Variants in SNIP1 observed in about 807,000 individuals in gnomAD.
SNIP1 encodes the protein Smad nuclear interacting protein 1.
SNIP1 carries 23 observed loss-of-function variants against 37.4 expected under a neutral mutation model. That is an observed-to-expected ratio of 0.61 (90% confidence interval 0.44 to 0.87). The LOEUF is 0.87. SNIP1 is among the 40% of genes least tolerant of loss of function. The probability of loss-of-function intolerance (pLI) is 0.00; values close to 1 mark genes in which losing one functional copy is unlikely to be tolerated. For synonymous variants in SNIP1, 174 were observed against 200.0 expected (o/e 0.87, Z 1.10); for missense variants, 459 against 540.4 (o/e 0.85, Z 1.49).
At chr1:37,546,349 T>C (rs1346918295) in intron 2 of SNIP1, among the ~76,000 whole-genome samples, 1 of 152,188 alleles carries the variant, frequency 6.6e-6, no homozygotes, top group African/African-American at 2.4e-5. Context: ...AATCTCATCA[T>C]GTCCTTTATC....
Position 37,537,980 on chromosome 1 carries a change from A to C in SNIP1, c.959T>G (p.Val320Gly), listed in dbSNP as rs371679615. 1.9e-6 allele frequency: 3 copies of C among 1,613,676 alleles called. No homozygotes were observed. In the African/African-American group the frequency reaches 4.0e-5, roughly 22 times the overall value. ...LVEYTRADGT[V>G]GRRVKPYIID... The stretch of plus-strand genomic sequence containing the variant: ...GATGTAGGGCTTCACTCTTCGGCCA[A>C]CTGTGCCATCAGCACGGGTATATTC... The change falls in exon 4 of 4, where the codon GTT becomes GGT. Residue 320 changes from valine to glycine, a missense_variant. Transcript: ENST00000296215.
chr1:37,537,629 G>A lies in SNIP1; in HGVS notation c.*119C>T. 1 of 1,032,372 alleles carries A rather than the reference G, an allele frequency of 9.7e-7. No homozygotes were observed. The highest frequency in any genetic ancestry group is 1.4e-6 in the Non-Finnish European group (1 of 697,818). 64.0% of individuals were successfully genotyped at this position (1,032,372 alleles called of 1,614,324 possible). ...GTCAGCAACAGAGGAAAGACTTAAG[G>A]CAGTAAGAGGCATTACAGAGAGCAC... is the stretch of plus-strand genomic sequence containing the variant. On this transcript the variant is annotated 3_prime_UTR_variant, in exon 4 of 4. Transcript: ENST00000296215.
In SNIP1 at chr1:37,540,110, G is replaced by T; in HGVS notation, c.926+47C>A. 6.8e-7 allele frequency: 1 copy of T among 1,479,252 alleles called. No individual in the cohort carries two copies. Among genetic ancestry groups the T allele is most frequent in the Non-Finnish European group, 9.1e-7 (1 of 1,093,280 alleles). The allele number at this position is 1,479,252 out of a possible 1,614,324, so 91.6% of individuals were successfully genotyped here. On this transcript the variant is annotated intron_variant, in intron 3 of 3. Transcript: ENST00000296215. The surrounding 1 kb of genome is among the most constrained non-coding windows in gnomAD (Gnocchi z 5.6). ...CAAAAATCTTAGTAATCCTAACTGA[G>T]TGATTGTTTCTGCTCACATTACAGT...
Position 37,554,284 on chromosome 1 carries a change from A to C in SNIP1, c.-55T>G, listed in dbSNP as rs895480519. On this transcript the variant is annotated 5_prime_UTR_variant, in exon 1 of 4. Coordinates refer to ENST00000296215, the MANE Select transcript of SNIP1 (RefSeq NM_024700.4). ...AGATCAGTTGAGCTCCTCTAGCTGG[A>C]GGAAATGACGAGTTTAACTCCTGGA... 25 of 1,515,692 alleles carry C rather than the reference A, an allele frequency of 1.6e-5. No individual in the cohort carries two copies. Among genetic ancestry groups the C allele is most frequent in the Non-Finnish European group, 1.8e-6 (2 of 1,126,786 alleles). 93.9% of individuals were successfully genotyped at this position (1,515,692 alleles called of 1,614,324 possible). A position where few individuals can be genotyped will look rare whatever the true frequency, so the allele number is the denominator to read the frequency against.
chr1:37,537,660 T>C lies in SNIP1; in HGVS notation c.*88A>G. On this transcript the variant is annotated 3_prime_UTR_variant, in exon 4 of 4. Coordinates refer to ENST00000296215, the MANE Select transcript of SNIP1 (RefSeq NM_024700.4). ...AGAGGCATTACAGAGAGCACCATAG[T>C]GCTGGACCCACCACCATAGTGCTCT... is the stretch of plus-strand genomic sequence containing the variant. The C allele has an allele frequency of 7.0e-7, 1 of 1,433,530 alleles. No homozygotes were observed. Among genetic ancestry groups the C allele is most frequent in the Non-Finnish European group, 9.6e-7 (1 of 1,044,956 alleles). 88.8% of individuals were successfully genotyped at this position (1,433,530 alleles called of 1,614,324 possible).
rs1388576681 is a variant in SNIP1 at position 37,540,518 on chromosome 1, G to C, written c.565C>G (p.His189Asp). The change falls in exon 3 of 4, where the codon CAT (histidine) becomes GAT (aspartate). Residue 189 changes from histidine (H) to aspartate (D), a missense_variant. Coordinates refer to ENST00000296215, the MANE Select transcript of SNIP1 (RefSeq NM_024700.4). This position sits in a 1 kb window ranked among gnomAD's most constrained non-coding sequence, Gnocchi z 5.6. ...REFYNARRRE[H>D]RQRNDVGGGG... is the part of the protein sequence containing the mutation. ...CCACCAACGTCATTCCTCTGGCGAT[G>C]CTCCCGTCGCCTGGCATTATAAAAC... 1 of 1,614,094 alleles carries C rather than the reference G, an allele frequency of 6.2e-7. No individual in the cohort carries two copies. The highest frequency in any genetic ancestry group is 1.7e-5 in the Admixed American group (1 of 60,004).
Position 37,540,024 on chromosome 1 carries a change from G to T in SNIP1, c.926+133C>A. On this transcript the variant is annotated intron_variant, in intron 3 of 3. Coordinates refer to ENST00000296215, the MANE Select transcript of SNIP1 (RefSeq NM_024700.4). This position sits in a 1 kb window ranked among gnomAD's most constrained non-coding sequence, Gnocchi z 5.6. The stretch of plus-strand genomic sequence containing the variant: ...TAAGCAATTATTTAAAGGGCAGTTA[G>T]ATTAACAATACTCTTTAGATAACAT... The T allele has an allele frequency of 1.4e-6, 1 of 700,068 alleles. No homozygotes were observed. The highest frequency in any genetic ancestry group is 2.4e-6 in the Non-Finnish European group (1 of 420,888). 43.4% of individuals were successfully genotyped at this position (700,068 alleles called of 1,614,324 possible). A position where few individuals can be genotyped will look rare whatever the true frequency, so the allele number is the denominator to read the frequency against.
intron 1 of SNIP1, 132 bp from the exon 2 acceptor site, chr1:37,552,879 G>A: frequency 1.4e-6 from 1 of 728,712 alleles, no homozygotes; most frequent in South Asian, 1.6e-5. Context: ...CATTAAAGGA[G>A]TCACGAGGTT....
chr1:37,545,512 C>A (rs1643224241), intron 2 of SNIP1, among the ~76,000 whole-genome samples: 1 of 137,464 alleles, frequency 7.3e-6, no homozygotes. Flanking sequence ...TTGTTATGGA[C>A]TAGGTAAGGT....
At chr1:37,548,078 G>A (rs1240996626) in intron 2 of SNIP1, among the ~76,000 whole-genome samples, 6 of 147,900 alleles carry the variant, frequency 4.1e-5, no homozygotes, top group Admixed American at 6.7e-5. Context: ...CGTGAACCCC[G>A]GGAGGCGGAG....
chr1:37,551,110 C>T (rs971604425), intron 2 of SNIP1, among the ~76,000 whole-genome samples: 2 of 149,648 alleles, frequency 1.3e-5, no homozygotes, highest in African/African-American at 4.9e-5. Context: ...CACACACTGA[C>T]ACACAAAGAA....
intron 2 of SNIP1, chr1:37,545,150 C>T (rs6704190): frequency 0.57 from 410,988 of 725,350 alleles, 121,148 homozygotes; most frequent in East Asian, 0.66. Context: ...TGTGACTTCA[C>T]TGAAACACAT....
chr1:37,545,193 T>C, intron 2 of SNIP1: 1 of 692,376 alleles, frequency 1.4e-6, no homozygotes, highest in Non-Finnish European at 2.7e-6. Context: ...CCATCAAGAA[T>C]TGGGTGACCA....
intron 3 of SNIP1, among the ~76,000 whole-genome samples, chr1:37,539,735 T>C (rs1219802518): frequency 6.6e-6 from 1 of 151,972 alleles, no homozygotes; most frequent in Admixed American, 6.5e-5. Flanking sequence ...ATCCTATCCT[T>C]CTCACAGGAT....
chr1:37,547,764 C>T (rs377471032), intron 2 of SNIP1, among the ~76,000 whole-genome samples: 8 of 151,122 alleles, frequency 5.3e-5, no homozygotes, highest in African/African-American at 1.5e-4. Flanking sequence ...AAAAAAAACA[C>T]AAAATGGTGG....
At position 37,550,034 on chromosome 1, in the gene SNIP1, A is replaced by G. The variant is rs548623885; in HGVS notation, c.327+2611T>C. On this transcript the variant is annotated intron_variant, in intron 2 of 3. Coordinates refer to ENST00000296215, the MANE Select transcript of SNIP1 (RefSeq NM_024700.4). ...ATGGTGTTGATGCAAGTGGACATTC[A>G]TAGGCAAAAAAAACAAAAACAAAAC... Among the ~76,000 whole-genome samples the G allele has an allele frequency of 4.6e-5, 7 of 152,272 alleles. No homozygotes were observed. In the East Asian group the frequency reaches 1.2e-3, roughly 25 times the overall value.
chr1:37,546,145 ACCCCC>A (rs34099617), intron 2 of SNIP1, among the ~76,000 whole-genome samples: 2 of 124,916 alleles, frequency 1.6e-5, no homozygotes, highest in Non-Finnish European at 1.7e-5. Flanking sequence ...TGGGACTAAG[ACCCCC>A]CCCCCCCCCG....
Position 37,537,582 on chromosome 1 carries a change from A to T in SNIP1, c.*166T>A. 1.4e-6 allele frequency: 1 copy of T among 728,262 alleles called. No homozygotes were observed. The highest frequency in any genetic ancestry group is 2.6e-5 in the East Asian group (1 of 39,050). The allele number at this position is 728,262 out of a possible 1,614,324, so 45.1% of individuals were successfully genotyped here. On this transcript the variant is annotated 3_prime_UTR_variant, in exon 4 of 4. Transcript: ENST00000296215. ...AAGTTTAACAAACATTAGTCAGTGTATTCAAATGGTAACACAATCTGGTCA... is the reference window on the plus strand; with the variant it reads ...AAGTTTAACAAACATTAGTCAGTGTTTTCAAATGGTAACACAATCTGGTCA...
rs952831786 is a variant in SNIP1, at chr1:37,542,242, T to A, written c.328-1487A>T. Among the ~76,000 whole-genome samples the A allele has an allele frequency of 6.4e-4, 98 of 152,178 alleles. 2 individuals are homozygous for A. Among genetic ancestry groups the A allele is most frequent in the Non-Finnish European group, 1.3e-4 (9 of 68,020 alleles). On this transcript the variant is annotated intron_variant, in intron 2 of 3. Transcript: ENST00000296215. ...AGGCAGGTAGCGCATACAGCACAGA[T>A]ACACCAGACAAAGGAAGGATTCACG...
Sources: allele counts gnomAD v4.1 joint callset (sites outside exome capture counted in the v4.1 genomes callset), GRCh38; gene constraint gnomAD v4.1.1; non-coding constraint Gnocchi (gnomAD v3.1); transcripts MANE v1.5; gene names NCBI Gene and HGNC (gene_info 2026-07-23, HGNC 2026-07-21).